The following SLC44A5 variants were observed in gnomAD, a reference collection of about 807,000 sequenced individuals.
SLC44A5 encodes solute carrier family 44 member 5.
Under a neutral mutation model 101.8 loss-of-function variants are expected in SLC44A5, and 57 were observed. That is an observed-to-expected ratio of 0.56 (90% confidence interval 0.45 to 0.70). The LOEUF is 0.70. SLC44A5 is among the 30% of genes least tolerant of loss of function. The pLI, the probability that SLC44A5 is intolerant of heterozygous loss-of-function variation, is 0.00. For missense variants in SLC44A5, 737 were observed against 853.1 expected (o/e 0.86, Z 1.70); for synonymous variants, 281 against 290.9 (o/e 0.97, Z 0.35).
the SLC44A5 span, among the ~76,000 whole-genome samples, chr1:75,723,262 T>C: frequency 6.6e-6 from 1 of 152,212 alleles, no homozygotes; most frequent in African/African-American, 2.4e-5. Context: ...GAAAGTAAAC[T>C]AGCCTTGCTA....
At chr1:75,689,198 T>C in the SLC44A5 span, among the ~76,000 whole-genome samples, 9 of 152,134 alleles carry the variant, frequency 5.9e-5, no homozygotes, top group Non-Finnish European at 1.2e-4. Flanking sequence ...GCTAGAAAAT[T>C]GAGCCATATT....
intron 1 of SLC44A5, among the ~76,000 whole-genome samples, chr1:75,572,228 C>T (rs567032060): frequency 1.3e-5 from 2 of 152,266 alleles, no homozygotes; most frequent in East Asian, 3.9e-4. Context: ...ACAATGACAG[C>T]TTTGGAATGA....
intron 3 of SLC44A5, among the ~76,000 whole-genome samples, chr1:75,380,999 C>T (rs1660896048): frequency 2.4e-5 from 2 of 82,362 alleles, no homozygotes; most frequent in South Asian, 7.3e-4. Context: ...ACTGTCAGTC[C>T]CATCAGTAGA....
chr1:75,423,172 C>T lies in SLC44A5; in HGVS notation c.14-26551G>A, dbSNP rs1187382196. Reference sequence around the variant, plus strand: ...GAACAGAAAGCTATAGTACTCTCTACGGAATGAATACCTATAGCAATTTCT... The same window carrying T: ...GAACAGAAAGCTATAGTACTCTCTATGGAATGAATACCTATAGCAATTTCT... On this transcript the variant is annotated intron_variant, in intron 2 of 23. Coordinates refer to ENST00000370859, the MANE Select transcript of SLC44A5 (RefSeq NM_001130058.2). 3.3e-5 allele frequency among the ~76,000 whole-genome samples: 5 copies of T among 152,212 alleles called. No homozygotes were observed. In the East Asian group the frequency reaches 5.8e-4, roughly 18 times the overall value.
chr1:75,304,223 C>T (rs1654734783), intron 4 of SLC44A5, among the ~76,000 whole-genome samples: 1 of 152,004 alleles, frequency 6.6e-6, no homozygotes, highest in Non-Finnish European at 1.5e-5. Flanking sequence ...CAGTAGTAGA[C>T]ATTAGTATTT....
At chr1:75,709,927 A>T in the SLC44A5 span, 1 of 152,238 alleles carries the variant, frequency 6.6e-6, no homozygotes, top group African/African-American at 2.4e-5. Context: ...CTACTCGCAG[A>T]AAAGGAACAA....
intron 3 of SLC44A5, among the ~76,000 whole-genome samples, chr1:75,358,156 A>AAGAAC (rs1370071547): frequency 6.6e-6 from 1 of 152,198 alleles, no homozygotes; most frequent in Non-Finnish European, 1.5e-5. Flanking sequence ...ATATAAAGAG[A>AAGAAC]AGAACAGAAC....
chr1:75,288,776 G>A (rs780823099), intron 5 of SLC44A5, among the ~76,000 whole-genome samples: 3 of 152,118 alleles, frequency 2.0e-5, no homozygotes, highest in East Asian at 1.9e-4. Context: ...TCCTTTTTCC[G>A]ATAAGTGGAT....
chr1:75,579,987 G>C (rs1199240864), intron 1 of SLC44A5, among the ~76,000 whole-genome samples: 1 of 152,064 alleles, frequency 6.6e-6, no homozygotes, highest in African/African-American at 2.4e-5. Flanking sequence ...AGCAAGCATA[G>C]TATTTTCCAT....
At chr1:75,363,167 T>C (rs562035957) in intron 3 of SLC44A5, among the ~76,000 whole-genome samples, 34 of 152,216 alleles carry the variant, frequency 2.2e-4, no homozygotes, top group Admixed American at 2.1e-3. Context: ...TTCTATCTTT[T>C]CACTTTTCAC....
the SLC44A5 span, among the ~76,000 whole-genome samples, chr1:75,648,312 G>A: frequency 6.6e-6 from 1 of 152,140 alleles, no homozygotes; most frequent in Non-Finnish European, 1.5e-5. Context: ...AGAACTGTGA[G>A]TCAATTAAAT....
chr1:75,450,241 C>A (rs112560499), intron 2 of SLC44A5, among the ~76,000 whole-genome samples: 2 of 152,196 alleles, frequency 1.3e-5, no homozygotes, highest in African/African-American at 4.8e-5. Flanking sequence ...ATCTGATCAA[C>A]CAAGGTCAAG....
At chr1:75,412,080 GA>G (rs1413213709) in intron 2 of SLC44A5, among the ~76,000 whole-genome samples, 1 of 151,992 alleles carries the variant, frequency 6.6e-6, no homozygotes, top group African/African-American at 2.4e-5. Flanking sequence ...ATTTGATGAG[GA>G]AAAAACAGGA....
intron 2 of SLC44A5, among the ~76,000 whole-genome samples, chr1:75,521,390 T>TA (rs112336279): frequency 3.3e-5 from 5 of 152,030 alleles, no homozygotes; most frequent in African/African-American, 9.7e-5. Context: ...CTTAATTCTA[T>TA]AAAAAAAATC....
chr1:75,492,804 C>T (rs1050206436), intron 2 of SLC44A5, among the ~76,000 whole-genome samples: 3 of 152,170 alleles, frequency 2.0e-5, no homozygotes, highest in Non-Finnish European at 4.4e-5. Context: ...CCTTTGGTAA[C>T]AAATTCTACC....
At chr1:75,233,953 A>C (rs761843147) in intron 12 of SLC44A5, 33 bp downstream of exon 12, 35 of 1,429,496 alleles carry the variant, frequency 2.4e-5, no homozygotes, top group Non-Finnish European at 3.0e-5. Context: ...GATTATTCTG[A>C]TATTTGATAA....
At chr1:75,210,401 C>CACA (rs1646830000) in intron 23 of SLC44A5, among the ~76,000 whole-genome samples, 2 of 152,054 alleles carry the variant, frequency 1.3e-5, no homozygotes, top group South Asian at 4.1e-4. Context: ...GTTGCATATG[C>CACA]AACTATAGGA....
chr1:75,554,547 A>G (rs989830501), intron 1 of SLC44A5, among the ~76,000 whole-genome samples: 8 of 152,048 alleles, frequency 5.3e-5, no homozygotes, highest in African/African-American at 1.7e-4. Flanking sequence ...GGAACAATAC[A>G]TATGACACAG....
At chr1:75,378,840 C>T (rs1489943142) in intron 3 of SLC44A5, among the ~76,000 whole-genome samples, 2,568 of 65,292 alleles carry the variant, frequency 0.039, 80 homozygotes, top group South Asian at 0.081. Flanking sequence ...TACTGGCCGC[C>T]GGCTGAACTT....
Sources: allele counts gnomAD v4.1 joint callset (sites outside exome capture counted in the v4.1 genomes callset), GRCh38; gene constraint gnomAD v4.1.1; transcripts MANE v1.5; gene names NCBI Gene and HGNC (gene_info 2026-07-23, HGNC 2026-07-21).